C10orf143: variants seen among roughly 807,000 people sequenced by gnomAD.
The protein encoded by C10orf143 is chromosome 10 open reading frame 143.
At chr10:130,066,002 A>G (rs1860926561) in intron 3 of C10orf143, 1 of 152,068 alleles carries the variant, frequency 6.6e-6, no homozygotes, top group African/African-American at 2.4e-5. Context: ...ATCACCAACC[A>G]CAGAACTTGA....
chr10:130,080,848 T>C (rs951916279), intron 1 of C10orf143, among the ~76,000 whole-genome samples: 1 of 152,184 alleles, frequency 6.6e-6, no homozygotes, highest in Non-Finnish European at 1.5e-5. Context: ...CTAGAAATGA[T>C]GCATTAAAAA....
chr10:130,073,543 G>A lies in C10orf143; in HGVS notation c.297+6023C>T, dbSNP rs572020687. On this transcript the variant is annotated intron_variant, in intron 3 of 3. Transcript: ENST00000637128. Reference sequence around the variant, plus strand: ...CCAACAAGTACCCAGACCCAGGAACGGCCACTAAAGAGTGTGTTGGTCCCA... The same window carrying A: ...CCAACAAGTACCCAGACCCAGGAACAGCCACTAAAGAGTGTGTTGGTCCCA... Among the ~76,000 whole-genome samples, 78 of 152,114 alleles carry A rather than the reference G, an allele frequency of 5.1e-4. No homozygotes were observed. The East Asian group carries it at 0.011, about 22-fold the overall frequency.
At position 130,109,340 on chromosome 10, in the gene C10orf143, G is replaced by T. The variant is rs1228388936; in HGVS notation, c.69+1364C>A. Among the ~76,000 whole-genome samples, 14 of 152,224 alleles carry T rather than the reference G, an allele frequency of 9.2e-5. No homozygotes were observed. The East Asian group carries it at 2.7e-3, about 29-fold the overall frequency. ...GCCACCCTTGGCTATGCAGAGGAGG[G>T]TGACACCCAGGGGATGGTGTGAGGG... On this transcript the variant is annotated intron_variant, in intron 1 of 3. Transcript: ENST00000637128.
intron 3 of C10orf143, among the ~76,000 whole-genome samples, chr10:130,046,211 T>G (rs1165356801): frequency 4.0e-4 from 24 of 59,706 alleles, no homozygotes; most frequent in South Asian, 1.2e-3. Flanking sequence ...TGGCGCGGAG[T>G]GGGGTGGAGC....
Position 130,042,510 on chromosome 10 carries a change from C to T in C10orf143, c.298-6540G>A, listed in dbSNP as rs372265789. On this transcript the variant is annotated intron_variant and NMD_transcript_variant, in intron 3 of 5. Transcript: ENST00000643056. Reference sequence around the variant, plus strand: ...GCTGGCGTGTTTGCTGGTTGGAGCGCGGAAGCCCTTTCTGTGCTGCCCAAG... The same window carrying T: ...GCTGGCGTGTTTGCTGGTTGGAGCGTGGAAGCCCTTTCTGTGCTGCCCAAG... 1.1e-4 allele frequency among the ~76,000 whole-genome samples: 17 copies of T among 152,332 alleles called. No homozygotes were observed. In the South Asian group the frequency reaches 2.1e-3, roughly 19 times the overall value.
chr10:130,041,813 G>GCA lies in C10orf143; in HGVS notation c.298-5845_298-5844dup, dbSNP rs10551202. On this transcript the variant is annotated intron_variant and NMD_transcript_variant, in intron 3 of 5. Coordinates refer to the C10orf143 transcript ENST00000643056. Reference sequence around the variant, plus strand: ...TTTATGTATAATTTTAATAAGCTCTGCACACACACACACACACACATGCAT... The same window carrying GCA: ...TTTATGTATAATTTTAATAAGCTCTGCACACACACACACACACACACATGCAT... Among the ~76,000 whole-genome samples, 1,130 of 150,634 alleles carry GCA rather than the reference G, an allele frequency of 7.5e-3. 1 individual carries two copies. The highest frequency in any genetic ancestry group is 0.021 in the Middle Eastern group (6 of 292).
At chr10:130,046,119 C>T (rs1860668613) in intron 3 of C10orf143, among the ~76,000 whole-genome samples, 1 of 118,234 alleles carries the variant, frequency 8.5e-6, no homozygotes, top group South Asian at 2.9e-4. Context: ...TGGGACGGGG[C>T]GTGGCGTGGG....
chr10:130,103,166 C>T (rs1017735282), intron 1 of C10orf143, among the ~76,000 whole-genome samples: 5 of 151,940 alleles, frequency 3.3e-5, no homozygotes, highest in East Asian at 1.9e-4. Context: ...TTAGTAGAGA[C>T]GGGGTTTCTC....
At chr10:130,074,135 G>A (rs747394085) in intron 3 of C10orf143, among the ~76,000 whole-genome samples, 10 of 152,326 alleles carry the variant, frequency 6.6e-5, no homozygotes, top group Non-Finnish European at 8.8e-5. Flanking sequence ...CATGCTGACT[G>A]CAAACACACT....
chr10:130,059,688 G>A (rs779255860), downstream of C10orf143, among the ~76,000 whole-genome samples: 7 of 152,148 alleles, frequency 4.6e-5, no homozygotes, highest in Non-Finnish European at 5.9e-5. Flanking sequence ...TATAATTAGC[G>A]AAATCAGCAC....
rs559225639 is a variant in C10orf143, at chr10:130,095,352, A to C, written c.69+15352T>G. ...TGGAAAGGAATAATCAATATCGGGA[A>C]AATGGCCATACTGCCCAAAGTAATT... On this transcript the variant is annotated intron_variant, in intron 1 of 3. Transcript: ENST00000637128. Among the ~76,000 whole-genome samples, 151 of 152,372 alleles carry C rather than the reference A, an allele frequency of 9.9e-4. 1 individual carries two copies. In the South Asian group the frequency reaches 0.014, roughly 14 times the overall value.
At chr10:130,068,857 G>GA (rs1427303778) in intron 3 of C10orf143, among the ~76,000 whole-genome samples, 17 of 150,186 alleles carry the variant, frequency 1.1e-4, no homozygotes, top group Admixed American at 4.0e-4. Flanking sequence ...TGAGGAACAG[G>GA]AAAAAAAAAG....
chr10:130,095,358 C>T (rs1305867932), intron 1 of C10orf143, among the ~76,000 whole-genome samples: 1 of 152,184 alleles, frequency 6.6e-6, no homozygotes, highest in African/African-American at 2.4e-5. Context: ...GGGAAAATGG[C>T]CATACTGCCC....
intron 3 of C10orf143, among the ~76,000 whole-genome samples, chr10:130,040,420 G>T (rs1373246348): frequency 6.6e-6 from 1 of 152,218 alleles, no homozygotes; most frequent in Non-Finnish European, 1.5e-5. Flanking sequence ...GGCTTAGGAA[G>T]TGGATCATTT....
At chr10:130,076,910 A>G (rs1406649741) in intron 3 of C10orf143, among the ~76,000 whole-genome samples, 1 of 152,152 alleles carries the variant, frequency 6.6e-6, no homozygotes, top group East Asian at 1.9e-4. Flanking sequence ...AGCCCCAGAC[A>G]GCACATGACA....
At chr10:130,071,326 A>G (rs1478184664) in intron 3 of C10orf143, among the ~76,000 whole-genome samples, 3 of 152,098 alleles carry the variant, frequency 2.0e-5, no homozygotes, top group Non-Finnish European at 2.9e-5. Context: ...CTTTCACTCT[A>G]CCTCACTCAC....
chr10:130,058,340 TCTC>T (rs1409387031), intron 3 of C10orf143, among the ~76,000 whole-genome samples: 1 of 152,196 alleles, frequency 6.6e-6, no homozygotes, highest in African/African-American at 2.4e-5. Flanking sequence ...TCCTTGGGCC[TCTC>T]CTCTTAGTAC....
At chr10:130,101,682 T>C (rs1268885582) in intron 1 of C10orf143, among the ~76,000 whole-genome samples, 1 of 151,130 alleles carries the variant, frequency 6.6e-6, no homozygotes, top group Non-Finnish European at 1.5e-5. Flanking sequence ...CTGGCCAACA[T>C]GGTGAAATCC....
chr10:130,045,450 C>CTGT (rs1320304153), intron 3 of C10orf143, among the ~76,000 whole-genome samples: 2 of 152,232 alleles, frequency 1.3e-5, no homozygotes, highest in Non-Finnish European at 2.9e-5. Flanking sequence ...GCTGCCCCGC[C>CTGT]CACAGTGCCC....
Sources: gnomAD v4.1 joint callset for allele counts (sites outside exome capture counted in the v4.1 genomes callset) on GRCh38, gnomAD v4.1.1 for gene constraint, MANE v1.5 for transcripts, NCBI Gene and HGNC (gene_info 2026-07-23, HGNC 2026-07-21) for gene names.